Variants in COL18A1 observed in about 807,000 individuals in gnomAD.
The protein encoded by COL18A1 is collagen alpha-1(XVIII) chain.
Under a neutral mutation model 168.0 loss-of-function variants are expected in COL18A1, and 133 were observed. The observed-to-expected ratio is 0.79, with a 90% CI of 0.69 to 0.91. The LOEUF (loss-of-function observed/expected upper bound fraction) is 0.91. Ranked by LOEUF, COL18A1 falls within the 40% of genes least tolerant of loss-of-function variation. The pLI, the probability that COL18A1 is intolerant of heterozygous loss-of-function variation, is 0.00. For synonymous variants in COL18A1, 949 were observed against 809.0 expected (o/e 1.17, Z -2.94); for missense variants, 2,126 against 1,925.4 (o/e 1.10, Z -1.95).
chr21:45,478,489 AT>A, intron 9 of COL18A1, 136 bp downstream of exon 9: 1 of 1,187,230 alleles, frequency 8.4e-7, no homozygotes, highest in Non-Finnish European at 1.3e-6. Flanking sequence ...TGAAAGTGGA[AT>A]TTTGTAAAGA....
chr21:45,463,517 G>T lies in COL18A1; in HGVS notation c.107-4725G>T, dbSNP rs1236105341. The stretch of plus-strand genomic sequence containing the variant: ...ATTCTGCCCATGCACTTGTTAATTA[G>T]TTGGGGAGATGGATTCCTGGCGCTT... On this transcript the variant is annotated intron_variant, in intron 2 of 41. Transcript: ENST00000651438. This position sits in a 1 kb window ranked among gnomAD's most constrained non-coding sequence, Gnocchi z 4.0. Among the ~76,000 whole-genome samples, 1 of 152,222 alleles carries T rather than the reference G, an allele frequency of 6.6e-6. No individual in the cohort carries two copies. The highest frequency in any genetic ancestry group is 1.5e-5 in the Non-Finnish European group (1 of 68,040).
chr21:45,494,896 TTGGCTTTCC>T lies in COL18A1; in HGVS notation c.2418_2426del (p.Phe807_Gly809del), dbSNP rs773480538. 5.6e-6 allele frequency: 9 copies of T among 1,610,794 alleles called. No homozygotes were observed. In the Admixed American group the frequency reaches 1.5e-4, roughly 27 times the overall value. On this transcript the variant is annotated inframe_deletion, in exon 28 of 42. Transcript: ENST00000651438. Reference sequence around the variant, plus strand: ...GGACGGCCGGGGTACAAGGGAGAGATTGGCTTTCCTGGACGGCCGGTGAGGACCTGGGGT... The same window carrying T: ...GGACGGCCGGGGTACAAGGGAGAGATTGGACGGCCGGTGAGGACCTGGGGT...
intron 39 of COL18A1, 35 bp downstream of exon 39, chr21:45,509,636 TA>T: frequency 8.8e-7 from 1 of 1,135,360 alleles, no homozygotes; most frequent in Non-Finnish European, 1.3e-6. Flanking sequence ...TGGCTCCATC[TA>T]GCCCCTCGGC....
At chr21:45,494,252 C>T in intron 26 of COL18A1, 1 of 477,940 alleles carries the variant, frequency 2.1e-6, no homozygotes, top group Non-Finnish European at 3.8e-6. Flanking sequence ...ATGCCCTCCA[C>T]CCTCCACCCT....
rs747253925 is a variant in COL18A1, at chr21:45,511,113, C to T, written c.3696C>T (p.Asp1232=). Residue 1232 remains aspartate (D), a splice_region_variant and synonymous_variant, in exon 41 of 42, where the codon GAC becomes GAT. Transcript: ENST00000651438. ...CATACACACGGTTTCTCTTCCAGGA[C>T]GAGCTGCTGTTTCCCAGCTGGGAGG... The part of the protein sequence containing the change: ...RAAVPIVNLK[D]ELLFPSWEAL... 6.9e-5 allele frequency: 107 copies of T among 1,541,374 alleles called. No individual in the cohort carries two copies. The highest frequency in any genetic ancestry group is 3.9e-4 in the African/African-American group (28 of 71,830).
In COL18A1 at chr21:45,490,889, G is replaced by A. The variant is rs371774491; in HGVS notation, c.2067+18G>A. On this transcript the variant is annotated intron_variant, in intron 21 of 41. Coordinates refer to ENST00000651438, the MANE Select transcript of COL18A1 (RefSeq NM_001379500.1). ...GAGAAAAGGTGAGTGTCCCTGGGGCGGGTGGATGGGGATGGGGGGCGCTGG... is the reference window on the plus strand; with the variant it reads ...GAGAAAAGGTGAGTGTCCCTGGGGCAGGTGGATGGGGATGGGGGGCGCTGG... 146 of 1,549,174 alleles carry A rather than the reference G, an allele frequency of 9.4e-5. No homozygotes were observed. Among genetic ancestry groups the A allele is most frequent in the African/African-American group, 7.5e-4 (55 of 73,150 alleles).
intron 8 of COL18A1, 93 bp from the exon 9 acceptor site, chr21:45,478,234 G>T: frequency 1.3e-6 from 2 of 1,547,474 alleles, no homozygotes; most frequent in Non-Finnish European, 1.8e-6. Context: ...GCCTCGTGGG[G>T]ACTTGGAGCG....
chr21:45,433,126 C>A (rs1159467257), intron 2 of COL18A1, among the ~76,000 whole-genome samples: 1 of 152,176 alleles, frequency 6.6e-6, no homozygotes, highest in Non-Finnish European at 1.5e-5. Context: ...TCGAGAGGGT[C>A]ACGGACACCC....
At chr21:45,418,214 G>A (rs1436429418) in intron 2 of COL18A1, among the ~76,000 whole-genome samples, 2 of 152,240 alleles carry the variant, frequency 1.3e-5, no homozygotes, top group Non-Finnish European at 2.9e-5. Context: ...AGCGCTGAGC[G>A]GAGCTGGCCG....
rs942850541 is a variant in COL18A1, at chr21:45,457,515, G to A, written c.107-10727G>A. Among the ~76,000 whole-genome samples the A allele has an allele frequency of 8.5e-5, 13 of 152,226 alleles. No individual in the cohort carries two copies. The highest frequency in any genetic ancestry group is 1.9e-4 in the East Asian group (1 of 5,188). ...GCCCAGGGGACGTTGCCCCATCACC[G>A]TGTGGCCTGGCCTTGTTGCTGGCTG... On this transcript the variant is annotated intron_variant, in intron 2 of 41. Coordinates refer to ENST00000651438, the MANE Select transcript of COL18A1 (RefSeq NM_001379500.1). The surrounding 1 kb of genome is among the most constrained non-coding windows in gnomAD (Gnocchi z 4.6).
chr21:45,510,926 A>ACC (rs1011955859), intron 40 of COL18A1, among the ~76,000 whole-genome samples, 185 bp from the exon 41 acceptor site: 3 of 109,910 alleles, frequency 2.7e-5, no homozygotes, highest in African/African-American at 1.0e-4. Context: ...GCAGAACCCC[A>ACC]CCCCCCAAAA....
Position 45,504,412 on chromosome 21 carries a change from A to T in COL18A1, c.2728-4A>T. 1 of 1,611,110 alleles carries T rather than the reference A, an allele frequency of 6.2e-7. No individual in the cohort carries two copies. Among genetic ancestry groups the T allele is most frequent in the Non-Finnish European group, 8.5e-7 (1 of 1,179,070 alleles). ...TCCCGTGTAACAAGTGTTTCCGTCC[A>T]CAGGGGGAGAAGGGAGACCGAGGTG... On this transcript the variant is annotated splice_region_variant and splice_polypyrimidine_tract_variant and intron_variant, in intron 33 of 41. Transcript: ENST00000651438.
chr21:45,494,947 A>AGAT, intron 28 of COL18A1, 32 bp downstream of exon 28: 1 of 1,595,798 alleles, frequency 6.3e-7, no homozygotes, highest in Non-Finnish European at 8.6e-7. Context: ...TGGGGGCGGC[A>AGAT]GATGGGGTCT....
chr21:45,431,572 C>CAGGACCAGGT (rs2033964939), intron 2 of COL18A1, among the ~76,000 whole-genome samples: 1 of 150,802 alleles, frequency 6.6e-6, no homozygotes, highest in Non-Finnish European at 1.5e-5. Context: ...CAGGACCAGG[C>CAGGACCAGGT]GGCCCTGGGG....
intron 5 of COL18A1, among the ~76,000 whole-genome samples, chr21:45,475,784 C>T: frequency 6.6e-6 from 1 of 152,254 alleles, no homozygotes; most frequent in Middle Eastern, 3.2e-3. Context: ...AAACGAGGTC[C>T]TGCCCTGCAC....
chr21:45,442,498 C>G (rs1445681935), intron 2 of COL18A1, among the ~76,000 whole-genome samples: 2 of 152,374 alleles, frequency 1.3e-5, no homozygotes, highest in East Asian at 3.9e-4. Context: ...TTCCTCCACT[C>G]CTGGACATCG....
intron 2 of COL18A1, among the ~76,000 whole-genome samples, chr21:45,438,117 C>G (rs2034244545): frequency 8.6e-6 from 1 of 115,834 alleles, no homozygotes; most frequent in Admixed American, 8.2e-5. Context: ...CTCAGACACA[C>G]AGGCACTCTC....
chr21:45,443,000 CGGCGGTGCTGATGTGGGT>C (rs2034419199), intron 2 of COL18A1, among the ~76,000 whole-genome samples: 2 of 101,238 alleles, frequency 2.0e-5, no homozygotes, highest in African/African-American at 4.5e-5. Flanking sequence ...CTGGTGTGGG[CGGCGGTGCTGATGTGGGT>C]GGTGGTGGTG....
At chr21:45,495,311 G>A in intron 28 of COL18A1, 47 bp from the exon 29 acceptor site, 1 of 1,503,308 alleles carries the variant, frequency 6.7e-7, no homozygotes, top group Non-Finnish European at 9.1e-7. Flanking sequence ...AAGGTGTCTG[G>A]TAATCATCAG....
Sources: allele counts gnomAD v4.1 joint callset (sites outside exome capture counted in the v4.1 genomes callset), GRCh38; gene constraint gnomAD v4.1.1; non-coding constraint Gnocchi (gnomAD v3.1); transcripts MANE v1.5; gene names NCBI Gene and HGNC (gene_info 2026-07-23, HGNC 2026-07-21).